The following ZZZ3 variants were observed in gnomAD, a reference collection of about 807,000 sequenced individuals.
The protein encoded by ZZZ3 is ZZ-type zinc finger-containing protein 3.
Under a neutral mutation model 95.2 loss-of-function variants are expected in ZZZ3, and 22 were observed. The ratio of observed to expected loss-of-function variants is 0.23; its 90% CI spans 0.17 to 0.33. ZZZ3 has a LOEUF of 0.33. Ranked by LOEUF, ZZZ3 falls within the 10% of genes least tolerant of loss-of-function variation. The pLI is 1.00. For synonymous variants in ZZZ3, 335 were observed against 358.9 expected (o/e 0.93, Z 0.75); for missense variants, 885 against 1,066.5 (o/e 0.83, Z 2.37).
chr1:77,666,804 A>C (rs1158160345), intron 1 of ZZZ3, among the ~76,000 whole-genome samples: 2 of 152,194 alleles, frequency 1.3e-5, no homozygotes, highest in African/African-American at 4.8e-5. Flanking sequence ...GGAAGAAGAT[A>C]CTATTTTAGG....
At chr1:77,639,668 T>C (rs1158236151) in intron 3 of ZZZ3, 66 bp from the exon 4 acceptor site, 4 of 388,228 alleles carry the variant, frequency 1.0e-5, no homozygotes, top group Non-Finnish European at 1.8e-5. Flanking sequence ...ATAGATTTAC[T>C]CCTTCTATAA....
chr1:77,595,727 C>T (rs1270324984), intron 5 of ZZZ3, among the ~76,000 whole-genome samples: 1 of 151,868 alleles, frequency 6.6e-6, no homozygotes, highest in Non-Finnish European at 1.5e-5. Flanking sequence ...AATATGATCA[C>T]AATGTATAAG....
chr1:77,635,121 G>C (rs570206815), intron 4 of ZZZ3, among the ~76,000 whole-genome samples: 2 of 152,234 alleles, frequency 1.3e-5, no homozygotes, highest in Admixed American at 1.3e-4. Context: ...AATTATAGAA[G>C]ACACAGCAAC....
chr1:77,654,112 C>T (rs528715457), intron 1 of ZZZ3, among the ~76,000 whole-genome samples: 2 of 147,674 alleles, frequency 1.4e-5, no homozygotes, highest in South Asian at 2.1e-4. Context: ...GGCGTGAACC[C>T]AGGAGGCGGA....
intron 5 of ZZZ3, among the ~76,000 whole-genome samples, chr1:77,613,228 C>T (rs886865017): frequency 6.6e-6 from 1 of 151,904 alleles, no homozygotes; most frequent in Admixed American, 6.6e-5. Flanking sequence ...GAAACACTAA[C>T]AACATAGAAT....
At chr1:77,653,705 A>T (rs571748689) in intron 1 of ZZZ3, among the ~76,000 whole-genome samples, 1 of 152,138 alleles carries the variant, frequency 6.6e-6, no homozygotes, top group Non-Finnish European at 1.5e-5. Flanking sequence ...GTGAGCCTAG[A>T]TCGTGCCATT....
chr1:77,576,953 A>G (rs1346164357), intron 11 of ZZZ3, among the ~76,000 whole-genome samples: 1 of 152,140 alleles, frequency 6.6e-6, no homozygotes, highest in Non-Finnish European at 1.5e-5. Flanking sequence ...CATCACCTCT[A>G]ATTTAAAAAT....
intron 5 of ZZZ3, among the ~76,000 whole-genome samples, chr1:77,597,458 G>C (rs80166107): frequency 0.06 from 9,198 of 152,060 alleles, 534 homozygotes; most frequent in African/African-American, 0.15. Flanking sequence ...AAAGAATACA[G>C]TATGAAAAGG....
chr1:77,565,781 T>C lies in ZZZ3; in HGVS notation c.2571A>G (p.Leu857=). The C allele has an allele frequency of 6.2e-7, 1 of 1,611,356 alleles. No homozygotes were observed. Among genetic ancestry groups the C allele is most frequent in the Non-Finnish European group, 8.5e-7 (1 of 1,178,794 alleles). Residue 857 remains leucine, a synonymous_variant, in exon 15 of 15, where the codon CTA becomes CTG. Coordinates refer to ENST00000370801, the MANE Select transcript of ZZZ3 (RefSeq NM_015534.6). ...LDFCDSCSDC[L]HETDIHKEDH... The stretch of plus-strand genomic sequence containing the variant: ...CTTCCTTGTGAATATCTGTTTCATG[T>C]AGACTGTAAAGAAAAAAAGACACAC...
In ZZZ3 at chr1:77,565,483, G is replaced by A. The variant is rs537107743; in HGVS notation, c.*157C>T. On this transcript the variant is annotated 3_prime_UTR_variant, in exon 15 of 15. Transcript: ENST00000370801. ...CTGAACAGTGATCTAGAGCCACAACGGTGCAGAGCTGTACTTGACGAGAAC... is the reference window on the plus strand; with the variant it reads ...CTGAACAGTGATCTAGAGCCACAACAGTGCAGAGCTGTACTTGACGAGAAC... 2.1e-5 allele frequency: 14 copies of A among 667,698 alleles called. No individual in the cohort carries two copies. The highest frequency in any genetic ancestry group is 9.3e-5 in the African/African-American group (5 of 53,874). The allele number at this position is 667,698 out of a possible 1,614,324, so 41.4% of individuals were successfully genotyped here.
At chr1:77,615,563 T>C (rs1666229348) in intron 5 of ZZZ3, among the ~76,000 whole-genome samples, 1 of 152,226 alleles carries the variant, frequency 6.6e-6, no homozygotes, top group South Asian at 2.1e-4. Context: ...CACATTTAGT[T>C]CAGGTTAGTG....
chr1:77,677,627 CAA>C (rs1194207506), intron 1 of ZZZ3, among the ~76,000 whole-genome samples: 6 of 152,038 alleles, frequency 3.9e-5, no homozygotes, highest in South Asian at 2.1e-4. Flanking sequence ...TGGCAATATA[CAA>C]GAGAGAGATA....
At chr1:77,604,179 C>T (rs1449131622) in intron 5 of ZZZ3, among the ~76,000 whole-genome samples, 1 of 151,792 alleles carries the variant, frequency 6.6e-6, no homozygotes, top group Non-Finnish European at 1.5e-5. Context: ...AGTGGGACGC[C>T]GTTTTAAAAA....
At chr1:77,627,738 T>C (rs968020961) in intron 5 of ZZZ3, among the ~76,000 whole-genome samples, 3 of 152,180 alleles carry the variant, frequency 2.0e-5, no homozygotes, top group Non-Finnish European at 4.4e-5. Context: ...AGGTTCATTA[T>C]CTAGAAACTT....
chr1:77,590,475 C>T (rs1570444168), intron 5 of ZZZ3, among the ~76,000 whole-genome samples: 1 of 152,340 alleles, frequency 6.6e-6, no homozygotes, highest in African/African-American at 2.4e-5. Context: ...TCTATGGCTG[C>T]TTTCTAGCTA....
chr1:77,581,533 T>C (rs887682328), intron 8 of ZZZ3, among the ~76,000 whole-genome samples: 1 of 152,160 alleles, frequency 6.6e-6, no homozygotes, highest in Non-Finnish European at 1.5e-5. Flanking sequence ...ACAAGATAGG[T>C]AATATCAACT....
At chr1:77,663,908 C>T (rs113721825) in intron 1 of ZZZ3, among the ~76,000 whole-genome samples, 4,304 of 152,060 alleles carry the variant, frequency 0.028, 73 homozygotes, top group Middle Eastern at 0.079. Context: ...TGCCACCACG[C>T]CTGGCTAATT....
chr1:77,656,639 G>C (rs1670292669), intron 1 of ZZZ3, among the ~76,000 whole-genome samples: 1 of 152,094 alleles, frequency 6.6e-6, no homozygotes, highest in African/African-American at 2.4e-5. Context: ...ATGCACCATT[G>C]CTCTAAATTC....
rs1328602019 is a variant in ZZZ3 at position 77,564,251 on chromosome 1, C to T, written c.*1389G>A. 5 of 152,024 alleles carry T rather than the reference C, an allele frequency of 3.3e-5. No individual in the cohort carries two copies. Among genetic ancestry groups the T allele is most frequent in the Admixed American group, 6.6e-5 (1 of 15,236 alleles). The allele number at this position is 152,024 out of a possible 1,614,324, so 9.4% of individuals were successfully genotyped here. ...ATTGCCTTTTTCTTTAACCATGGTC[C>T]GTGTTTCCTTTTTGTAAGCTAGTTT... On this transcript the variant is annotated 3_prime_UTR_variant, in exon 15 of 15. Coordinates refer to ENST00000370801, the MANE Select transcript of ZZZ3 (RefSeq NM_015534.6).
Sources: gnomAD v4.1 joint callset for allele counts (sites outside exome capture counted in the v4.1 genomes callset) on GRCh38, gnomAD v4.1.1 for gene constraint, MANE v1.5 for transcripts, NCBI Gene and HGNC (gene_info 2026-07-23, HGNC 2026-07-21) for gene names.